The following DSCAM variants were observed in gnomAD, a reference collection of about 807,000 sequenced individuals.
DSCAM encodes the protein cell adhesion molecule DSCAM.
A neutral mutation model predicts 217.7 loss-of-function variants in DSCAM; 47 were observed. That is an observed-to-expected ratio of 0.22 (90% CI 0.17 to 0.28). DSCAM has a LOEUF of 0.28. DSCAM is among the 10% of genes least tolerant of loss of function. The pLI is 1.00. For missense variants in DSCAM, 2,080 were observed against 2,618.3 expected, an observed-to-expected ratio of 0.79 and a Z score of 4.49; for synonymous variants, 1,056 against 1,015.3, an observed-to-expected ratio of 1.04 and a Z score of -0.76.
intron 3 of DSCAM, among the ~76,000 whole-genome samples, chr21:40,683,624 G>A (rs1468360429): frequency 3.9e-5 from 6 of 152,088 alleles, no homozygotes; most frequent in African/African-American, 7.2e-5. Context: ...GTCCTAGAAC[G>A]CCGGAGCAGG....
intron 1 of DSCAM, among the ~76,000 whole-genome samples, chr21:40,813,841 T>A (rs1037879296): frequency 6.6e-6 from 1 of 152,026 alleles, no homozygotes; most frequent in African/African-American, 2.4e-5. Flanking sequence ...GAGACAGGGT[T>A]TCACCACCTT....
At chr21:40,091,358 C>G (rs530535664) in intron 21 of DSCAM, among the ~76,000 whole-genome samples, 2 of 152,160 alleles carry the variant, frequency 1.3e-5, no homozygotes, top group South Asian at 4.2e-4. Context: ...TCCTTCCCAG[C>G]GTCTCTGGGA....
chr21:40,161,241 C>T (rs2090537818), intron 16 of DSCAM, among the ~76,000 whole-genome samples: 1 of 152,120 alleles, frequency 6.6e-6, no homozygotes, highest in South Asian at 2.1e-4. Flanking sequence ...GAAGAAGGCC[C>T]ATCACATGGC....
chr21:40,178,369 C>T (rs1312829666), intron 15 of DSCAM, among the ~76,000 whole-genome samples: 1 of 152,124 alleles, frequency 6.6e-6, no homozygotes, highest in Non-Finnish European at 1.5e-5. Context: ...CTCCACAATG[C>T]TTATCTCTAT....
chr21:40,298,558 T>A (rs1223929203), intron 9 of DSCAM, among the ~76,000 whole-genome samples: 1 of 152,224 alleles, frequency 6.6e-6, no homozygotes, highest in African/African-American at 2.4e-5. Context: ...TAATAAGGAA[T>A]GACTATCTCT....
At chr21:40,666,006 C>T (rs1310194099) in intron 3 of DSCAM, among the ~76,000 whole-genome samples, 1 of 151,946 alleles carries the variant, frequency 6.6e-6, no homozygotes, top group African/African-American at 2.4e-5. Flanking sequence ...GTAAATGTCT[C>T]TCCTGGCTGA....
At chr21:40,766,692 C>CAAATT (rs1331315836) in intron 1 of DSCAM, among the ~76,000 whole-genome samples, 1 of 92,604 alleles carries the variant, frequency 1.1e-5, no homozygotes, top group Non-Finnish European at 1.9e-5. Context: ...AAAAAAACAA[C>CAAATT]TTTTTTTTTT....
chr21:40,133,903 T>G lies in DSCAM; in HGVS notation c.3513A>C (p.Ala1171=), dbSNP rs1394550064. ...TCTGCTCACTCCTGACCCCGTCTCC[T>G]GCGCGGGTGAAGGCCAGCACCTGGA... ...YSIQVLAFTR[A]GDGVRSEQIF... is the part of the protein sequence containing the mutation. Residue 1171 remains alanine (A), a synonymous_variant, in exon 19 of 33, where the codon GCA becomes GCC. Transcript: ENST00000400454. The G allele has an allele frequency of 1.2e-6, 2 of 1,613,768 alleles. No homozygotes were observed. The highest frequency in any genetic ancestry group is 1.7e-6 in the Non-Finnish European group (2 of 1,179,828).
At chr21:40,772,396 C>T (rs745457336) in intron 1 of DSCAM, among the ~76,000 whole-genome samples, 14 of 152,212 alleles carry the variant, frequency 9.2e-5, no homozygotes, top group Middle Eastern at 3.4e-3. Flanking sequence ...CTCGAACTCC[C>T]GACCTCAGGT....
At chr21:40,813,046 A>G (rs1280124017) in intron 1 of DSCAM, among the ~76,000 whole-genome samples, 3 of 152,330 alleles carry the variant, frequency 2.0e-5, no homozygotes, top group Middle Eastern at 3.4e-3. Context: ...AGGCAGGGAG[A>G]TAAGTAAATG....
intron 1 of DSCAM, among the ~76,000 whole-genome samples, chr21:40,780,415 G>C (rs201032327): frequency 2.3e-5 from 1 of 44,188 alleles, no homozygotes; most frequent in Admixed American, 2.3e-4. Flanking sequence ...GTGTGTGTGT[G>C]TGTGTGTGTA....
intron 27 of DSCAM, among the ~76,000 whole-genome samples, chr21:40,068,775 A>T (rs1344350745): frequency 1.3e-5 from 2 of 152,178 alleles, no homozygotes; most frequent in African/African-American, 4.8e-5. Flanking sequence ...GCTGGCCTTC[A>T]GTTTTCACGT....
intron 3 of DSCAM, among the ~76,000 whole-genome samples, chr21:40,662,174 A>G (rs2090145768): frequency 6.6e-6 from 1 of 152,232 alleles, no homozygotes; most frequent in Non-Finnish European, 1.5e-5. Flanking sequence ...AGACAGAAGC[A>G]CTAGAATTTA....
At chr21:40,779,221 G>A (rs967124757) in intron 1 of DSCAM, among the ~76,000 whole-genome samples, 6 of 152,032 alleles carry the variant, frequency 3.9e-5, no homozygotes, top group Admixed American at 1.3e-4. Flanking sequence ...GGTATTTTGG[G>A]CTGAAGTATG....
intron 3 of DSCAM, among the ~76,000 whole-genome samples, chr21:40,373,820 G>T (rs542908300): frequency 6.6e-6 from 1 of 152,178 alleles, no homozygotes; most frequent in South Asian, 2.1e-4. Flanking sequence ...ACTACAAAAC[G>T]GTCCTTGTCC....
intron 15 of DSCAM, among the ~76,000 whole-genome samples, chr21:40,171,392 T>C (rs2090656217): frequency 1.3e-5 from 2 of 152,194 alleles, no homozygotes; most frequent in African/African-American, 2.4e-5. Flanking sequence ...TCTGGTATTT[T>C]ATGAAGGTCC....
At chr21:40,687,419 T>C (rs2090491340) in intron 3 of DSCAM, among the ~76,000 whole-genome samples, 1 of 152,160 alleles carries the variant, frequency 6.6e-6, no homozygotes, top group Non-Finnish European at 1.5e-5. Flanking sequence ...GTCTGGAAAA[T>C]GCTCAGTGAG....
At chr21:40,158,212 T>C (rs1176495402) in intron 16 of DSCAM, among the ~76,000 whole-genome samples, 2 of 151,952 alleles carry the variant, frequency 1.3e-5, no homozygotes, top group Non-Finnish European at 2.9e-5. Flanking sequence ...TAGTGAGACC[T>C]TGTCTCTACA....
intron 3 of DSCAM, among the ~76,000 whole-genome samples, chr21:40,483,689 T>A (rs142854009): frequency 2.0e-5 from 3 of 152,186 alleles, no homozygotes; most frequent in African/African-American, 7.2e-5. Context: ...TGAATACCCA[T>A]TAATAAACCT....
Sources: gnomAD v4.1 joint callset for allele counts (sites outside exome capture counted in the v4.1 genomes callset) on GRCh38, gnomAD v4.1.1 for gene constraint, MANE v1.5 for transcripts, NCBI Gene and HGNC (gene_info 2026-07-23, HGNC 2026-07-21) for gene names.